FMN2: variants seen among roughly 807,000 people sequenced by gnomAD.
FMN2 encodes the protein formin 2, also known as formin-2.
In FMN2, 51 loss-of-function variants were observed where a neutral mutation model predicts 142.3. The ratio of observed to expected loss-of-function variants is 0.36; its 90% CI spans 0.29 to 0.45. The LOEUF (loss-of-function observed/expected upper bound fraction) is 0.45. FMN2 is among the 20% of genes least tolerant of loss of function. The pLI is 1.00. For synonymous variants in FMN2, 882 were observed against 869.8 expected (o/e 1.01, Z -0.25); for missense variants, 1,936 against 2,122.8 (o/e 0.91, Z 1.73).
intron 13 of FMN2, among the ~76,000 whole-genome samples, chr1:240,344,154 T>A (rs2103032193): frequency 6.6e-6 from 1 of 152,338 alleles, no homozygotes; most frequent in South Asian, 2.1e-4. Context: ...AAGAGGAGAA[T>A]TTGTGAGACC....
intron 15 of FMN2, among the ~76,000 whole-genome samples, chr1:240,436,639 T>G (rs1253126785): frequency 2.0e-5 from 3 of 150,124 alleles, no homozygotes; most frequent in Non-Finnish European, 4.4e-5. Context: ...ACCATGCTGT[T>G]GCACTCTAGC....
intron 14 of FMN2, among the ~76,000 whole-genome samples, chr1:240,365,072 C>T (rs1306629913): frequency 6.6e-6 from 1 of 152,076 alleles, no homozygotes. Context: ...CTACTTTAAC[C>T]AATGTTGTAT....
intron 13 of FMN2, among the ~76,000 whole-genome samples, chr1:240,349,381 G>A (rs1672018167): frequency 6.6e-6 from 1 of 152,124 alleles, no homozygotes; most frequent in South Asian, 2.1e-4. Flanking sequence ...GCTGAGGCTG[G>A]TTTGTAGATG....
intron 1 of FMN2, among the ~76,000 whole-genome samples, chr1:240,094,349 T>G (rs1390421880): frequency 6.6e-6 from 1 of 152,148 alleles, no homozygotes; most frequent in East Asian, 1.9e-4. Flanking sequence ...TATTAGAAAA[T>G]TAATAAATAA....
intron 7 of FMN2, among the ~76,000 whole-genome samples, chr1:240,268,490 C>T (rs1668888701): frequency 6.6e-6 from 1 of 151,980 alleles, no homozygotes; most frequent in Non-Finnish European, 1.5e-5. Flanking sequence ...TGTCTCTGTG[C>T]TGTGAGAGTC....
chr1:240,394,473 T>G (rs184963163), intron 15 of FMN2, among the ~76,000 whole-genome samples: 1 of 152,190 alleles, frequency 6.6e-6, no homozygotes, highest in Admixed American at 6.5e-5. Context: ...AAGTTTAAGG[T>G]AAGAAACCTC....
chr1:240,298,639 C>G (rs1213968490), intron 8 of FMN2, among the ~76,000 whole-genome samples: 1 of 152,088 alleles, frequency 6.6e-6, no homozygotes, highest in African/African-American at 2.4e-5. Flanking sequence ...GAGTACAAAC[C>G]CTTTTGTGAA....
intron 8 of FMN2, among the ~76,000 whole-genome samples, chr1:240,322,125 A>G (rs1670993104): frequency 6.6e-6 from 1 of 152,160 alleles, no homozygotes; most frequent in African/African-American, 2.4e-5. Context: ...GCTAATATAA[A>G]AATTTTGAGT....
chr1:240,221,949 G>A (rs1667132430), intron 6 of FMN2, among the ~76,000 whole-genome samples: 1 of 149,186 alleles, frequency 6.7e-6, no homozygotes. Context: ...CTGGGTTCAA[G>A]CAATTCTCCT....
chr1:240,346,641 A>G (rs917441468), intron 13 of FMN2, among the ~76,000 whole-genome samples: 1 of 152,200 alleles, frequency 6.6e-6, no homozygotes, highest in Non-Finnish European at 1.5e-5. Context: ...ATATTCATTT[A>G]GTCTTTACAT....
intron 7 of FMN2, among the ~76,000 whole-genome samples, chr1:240,265,873 T>G (rs1428291731): frequency 6.6e-6 from 1 of 151,870 alleles, no homozygotes; most frequent in Non-Finnish European, 1.5e-5. Flanking sequence ...TGGAGGTGTT[T>G]GAAACTTAGG....
Position 240,209,700 on chromosome 1 carries a change from T to G in FMN2, c.3920+968T>G, listed in dbSNP as rs373816243. On this transcript the variant is annotated intron_variant, in intron 5 of 17. Transcript: ENST00000319653. Reference sequence around the variant, plus strand: ...CGGGTGGATCACAAGGTCAGGAGATTGAGACCATCCTGGCTAACACGGTGA... The same window carrying G: ...CGGGTGGATCACAAGGTCAGGAGATGGAGACCATCCTGGCTAACACGGTGA... Among the ~76,000 whole-genome samples the G allele has an allele frequency of 3.1e-3, 461 of 149,616 alleles. 5 individuals are homozygous for G. The South Asian group carries it at 0.039, about 13-fold the overall frequency.
chr1:240,334,682 T>C (rs1278828797), intron 13 of FMN2, among the ~76,000 whole-genome samples: 1 of 152,238 alleles, frequency 6.6e-6, no homozygotes, highest in Non-Finnish European at 1.5e-5. Context: ...ACATGTATAT[T>C]GTTTTATTAC....
At chr1:240,106,698 T>C (rs1213136060) in intron 1 of FMN2, among the ~76,000 whole-genome samples, 1 of 152,048 alleles carries the variant, frequency 6.6e-6, no homozygotes, top group African/African-American at 2.4e-5. Context: ...TTTTCTTTTT[T>C]TTTGAGACAG....
At chr1:240,460,671 T>TATATATAATATGCATTAAATATAAATGC (rs1323077605) in intron 16 of FMN2, among the ~76,000 whole-genome samples, 13 of 151,444 alleles carry the variant, frequency 8.6e-5, no homozygotes, top group Admixed American at 4.6e-4. Context: ...ATATATAATG[T>TATATATAATATGCATTAAATATAAATGC]ATATATAATA....
At chr1:240,423,388 T>C (rs1258796696) in intron 15 of FMN2, among the ~76,000 whole-genome samples, 1 of 152,142 alleles carries the variant, frequency 6.6e-6, no homozygotes, top group Non-Finnish European at 1.5e-5. Context: ...TATTACAAAA[T>C]CCAACACTGC....
intron 1 of FMN2, among the ~76,000 whole-genome samples, chr1:240,100,509 C>T (rs780592688): frequency 2.6e-5 from 4 of 152,032 alleles, no homozygotes; most frequent in Admixed American, 2.0e-4. Flanking sequence ...TCAGTCAGTT[C>T]GGAATGGTAG....
intron 2 of FMN2, among the ~76,000 whole-genome samples, chr1:240,130,506 G>T (rs1254960533): frequency 6.6e-6 from 1 of 152,112 alleles, no homozygotes; most frequent in Non-Finnish European, 1.5e-5. Context: ...GTTTCACTGT[G>T]TTGGCCAGGC....
intron 2 of FMN2, among the ~76,000 whole-genome samples, chr1:240,161,018 A>G (rs1664253454): frequency 6.6e-6 from 1 of 152,224 alleles, no homozygotes; most frequent in Admixed American, 6.5e-5. Context: ...CACTGAACAG[A>G]CATGTGCATG....
Sources: gnomAD v4.1 joint callset for allele counts (sites outside exome capture counted in the v4.1 genomes callset) on GRCh38, gnomAD v4.1.1 for gene constraint, MANE v1.5 for transcripts, NCBI Gene and HGNC (gene_info 2026-07-23, HGNC 2026-07-21) for gene names.